MCTP2: variants seen among roughly 807,000 people sequenced by gnomAD.
MCTP2 encodes the protein multiple C2 and transmembrane domain containing 2, also known as multiple C2 and transmembrane domain-containing protein 2.
A neutral mutation model predicts 111.6 loss-of-function variants in MCTP2; 132 were observed. The observed-to-expected ratio is 1.18, with a 90% CI of 1.03 to 1.37. MCTP2 has a LOEUF of 1.37. MCTP2 is among the 40% of genes most tolerant of loss of function. The pLI is 0.00. For synonymous variants in MCTP2, 395 were observed against 387.7 expected (o/e 1.02, Z -0.22); for missense variants, 1,183 against 1,067.9 (o/e 1.11, Z -1.50).
At chr15:94,447,710 A>G (rs994057906) in intron 19 of MCTP2, among the ~76,000 whole-genome samples, 2 of 152,242 alleles carry the variant, frequency 1.3e-5, no homozygotes, top group African/African-American at 2.4e-5. Flanking sequence ...CTAAAACAGT[A>G]AATTGGTTAG....
At chr15:94,466,645 A>G (rs989578842) in intron 20 of MCTP2, among the ~76,000 whole-genome samples, 2 of 152,070 alleles carry the variant, frequency 1.3e-5, no homozygotes, top group African/African-American at 2.4e-5. Flanking sequence ...CGTGCCCCCA[A>G]TCTCCCATCG....
chr15:94,266,077 C>T (rs557755067), intron 1 of MCTP2, among the ~76,000 whole-genome samples: 99 of 48,288 alleles, frequency 2.1e-3, no homozygotes, highest in African/African-American at 0.014. Flanking sequence ...CATGCGTGTG[C>T]GCGCACACAC....
At chr15:94,455,243 T>A (rs2084746483) in intron 19 of MCTP2, among the ~76,000 whole-genome samples, 1 of 152,258 alleles carries the variant, frequency 6.6e-6, no homozygotes. Flanking sequence ...TTGTTAAATG[T>A]TCTAACATAT....
chr15:94,367,710 C>T lies in MCTP2; in HGVS notation c.1407C>T (p.Pro469=), dbSNP rs1596486808. The change falls in exon 11 of 23, where the codon CCC becomes CCT. Residue 469 remains proline (P), a synonymous_variant. Transcript: ENST00000357742. ...TCCTTATGTTGGTCACACTTACACC[C>T]TGTGCGGGGGTCTCCGTCTCTGATC... is the stretch of plus-strand genomic sequence containing the variant. ...GALLMLVTLT[P]CAGVSVSDLC... is the part of the protein sequence containing the mutation. 1 of 1,610,036 alleles carries T rather than the reference C, an allele frequency of 6.2e-7. No individual in the cohort carries two copies. Among genetic ancestry groups the T allele is most frequent in the Non-Finnish European group, 8.5e-7 (1 of 1,178,440 alleles).
intron 21 of MCTP2, among the ~76,000 whole-genome samples, chr15:94,474,762 A>G (rs898566774): frequency 6.6e-6 from 1 of 152,178 alleles, no homozygotes; most frequent in African/African-American, 2.4e-5. Flanking sequence ...AGTTGTGAAT[A>G]GGGCAAAATT....
intron 12 of MCTP2, among the ~76,000 whole-genome samples, chr15:94,377,084 A>G (rs1466643910): frequency 1.3e-5 from 2 of 152,080 alleles, no homozygotes; most frequent in Non-Finnish European, 2.9e-5. Flanking sequence ...GTTTTTTTAT[A>G]TTGCTGTTTT....
At chr15:94,259,445 C>A (rs1353863558) in intron 1 of MCTP2, among the ~76,000 whole-genome samples, 2 of 152,132 alleles carry the variant, frequency 1.3e-5, no homozygotes, top group Non-Finnish European at 1.5e-5. Flanking sequence ...AATTCAGAAA[C>A]TTTTGCAAAT....
In MCTP2 at chr15:94,298,770, C is replaced by T. The variant is rs774669774; in HGVS notation, c.465+40C>T. 7 of 1,335,866 alleles carry T rather than the reference C, an allele frequency of 5.2e-6. No individual in the cohort carries two copies. In the African/African-American group the frequency reaches 8.9e-5, roughly 17 times the overall value. The allele number at this position is 1,335,866 out of a possible 1,614,324, so 82.8% of individuals were successfully genotyped here. A position where few individuals can be genotyped will look rare whatever the true frequency, so the allele number is the denominator to read the frequency against. On this transcript the variant is annotated intron_variant, in intron 2 of 22. Coordinates refer to ENST00000357742, the MANE Select transcript of MCTP2 (RefSeq NM_001385001.1). ...GGGCTCTCTTTTTTTTTGTCTCTCT[C>T]TCTCTCTCTCTTTCCCTCTCTTTCT... is the stretch of plus-strand genomic sequence containing the variant.
intron 14 of MCTP2, among the ~76,000 whole-genome samples, chr15:94,385,807 T>C (rs774330677): frequency 2.0e-5 from 3 of 152,224 alleles, no homozygotes; most frequent in Non-Finnish European, 4.4e-5. Flanking sequence ...AAGATAGGAA[T>C]TTGTCTTTGG....
intron 1 of MCTP2, among the ~76,000 whole-genome samples, chr15:94,296,602 A>C (rs2075287216): frequency 6.6e-6 from 1 of 152,246 alleles, no homozygotes; most frequent in Admixed American, 6.5e-5. Context: ...AATGATGAGA[A>C]TAATGATAGA....
intron 4 of MCTP2, among the ~76,000 whole-genome samples, chr15:94,335,357 G>A (rs550091174): frequency 6.6e-6 from 1 of 152,248 alleles, no homozygotes; most frequent in East Asian, 1.9e-4. Flanking sequence ...GTACGACATT[G>A]CTTCTAAACA....
intron 4 of MCTP2, among the ~76,000 whole-genome samples, chr15:94,336,739 A>ATGTGTGTG (rs147211090): frequency 7.4e-4 from 111 of 149,882 alleles, no homozygotes; most frequent in African/African-American, 2.6e-3. Context: ...ATGTGCATAT[A>ATGTGTGTG]TGTGTGTGTA....
intron 14 of MCTP2, among the ~76,000 whole-genome samples, chr15:94,385,749 C>G (rs1225828694): frequency 6.6e-6 from 1 of 152,096 alleles, no homozygotes; most frequent in African/African-American, 2.4e-5. Context: ...CGTAACCAAC[C>G]AAAACATTTT....
At chr15:94,257,569 G>GTTTTTTTTCTTTTTTTTTTTTTTTTTTT in intron 1 of MCTP2, among the ~76,000 whole-genome samples, 1 of 33,822 alleles carries the variant, frequency 3.0e-5, no homozygotes, top group East Asian at 9.8e-4. Context: ...TTTCTTTGTT[G>GTTTTTTTTCTTTTTTTTTTTTTTTTTTT]TTTTTTTTTT....
At chr15:94,264,468 G>A in intron 1 of MCTP2, among the ~76,000 whole-genome samples, 1 of 152,050 alleles carries the variant, frequency 6.6e-6, no homozygotes, top group East Asian at 1.9e-4. Context: ...AATTAGCTGG[G>A]CATGGTGGCG....
chr15:94,403,145 T>C (rs948418527), intron 17 of MCTP2: 5 of 986,182 alleles, frequency 5.1e-6, no homozygotes, highest in Non-Finnish European at 6.0e-6. Context: ...TCTCCACTGC[T>C]TCGGTGTAGA....
At chr15:94,255,486 CTGACA>C (rs957429087) in intron 1 of MCTP2, among the ~76,000 whole-genome samples, 22 of 37,426 alleles carry the variant, frequency 5.9e-4, no homozygotes, top group African/African-American at 2.6e-3. Flanking sequence ...GCACTTATGA[CTGACA>C]TAAGTATTTT....
chr15:94,436,736 C>T (rs1310497598), intron 17 of MCTP2, among the ~76,000 whole-genome samples: 18 of 151,964 alleles, frequency 1.2e-4, no homozygotes, highest in Admixed American at 1.2e-3. Flanking sequence ...GATTTTTCTC[C>T]ATAGCTTTAT....
chr15:94,289,985 G>T (rs1182151330), intron 1 of MCTP2, among the ~76,000 whole-genome samples: 1 of 152,142 alleles, frequency 6.6e-6, no homozygotes. Context: ...CACTGTTTCT[G>T]GCTTTGAAGA....
Sources: allele counts gnomAD v4.1 joint callset (sites outside exome capture counted in the v4.1 genomes callset), GRCh38; gene constraint gnomAD v4.1.1; transcripts MANE v1.5; gene names NCBI Gene and HGNC (gene_info 2026-07-23, HGNC 2026-07-21).